The following CNTNAP2 variants were observed in gnomAD, a reference collection of about 807,000 sequenced individuals.
CNTNAP2 encodes contactin associated protein 2.
CNTNAP2 carries 98 observed loss-of-function variants against 155.2 expected under a neutral mutation model. The ratio of observed to expected loss-of-function variants is 0.63; its 90% CI spans 0.54 to 0.75. The LOEUF (loss-of-function observed/expected upper bound fraction) is 0.75, where lower values mean the gene tolerates loss of function less well. Ranked by LOEUF, CNTNAP2 falls within the 30% of genes least tolerant of loss-of-function variation. The probability of loss-of-function intolerance (pLI) is 0.00; values close to 1 mark genes in which losing one functional copy is unlikely to be tolerated. For synonymous variants in CNTNAP2, 651 were observed against 631.2 expected (o/e 1.03, Z -0.47); for missense variants, 1,727 against 1,688.1 (o/e 1.02, Z -0.40).
chr7:147,283,394 G>T (rs1164501566), intron 8 of CNTNAP2, among the ~76,000 whole-genome samples: 1 of 151,658 alleles, frequency 6.6e-6, no homozygotes, highest in Non-Finnish European at 1.5e-5. Context: ...CAACCCTCCA[G>T]ATTGCTTTTA....
At chr7:147,777,958 A>T (rs1584950323) in intron 13 of CNTNAP2, among the ~76,000 whole-genome samples, 1 of 152,320 alleles carries the variant, frequency 6.6e-6, no homozygotes, top group East Asian at 1.9e-4. Flanking sequence ...GCTTATTTAT[A>T]CACACACATC....
At chr7:147,074,000 C>T (rs577590336) in intron 4 of CNTNAP2, among the ~76,000 whole-genome samples, 1 of 152,214 alleles carries the variant, frequency 6.6e-6, no homozygotes, top group South Asian at 2.1e-4. Context: ...AAACAGCCTG[C>T]TTTTGGAATC....
intron 3 of CNTNAP2, among the ~76,000 whole-genome samples, chr7:146,958,562 C>T (rs1027908041): frequency 6.6e-5 from 10 of 151,524 alleles, no homozygotes; most frequent in Admixed American, 2.0e-4. Flanking sequence ...TACAGGCACC[C>T]GCCACAACGC....
At chr7:147,419,941 C>G (rs1046349776) in intron 10 of CNTNAP2, among the ~76,000 whole-genome samples, 2 of 152,114 alleles carry the variant, frequency 1.3e-5, no homozygotes, top group African/African-American at 2.4e-5. Context: ...GGGTGGATCA[C>G]TAGCAGCAGT....
At chr7:147,584,855 C>T (rs1366726700) in intron 12 of CNTNAP2, among the ~76,000 whole-genome samples, 1 of 152,146 alleles carries the variant, frequency 6.6e-6, no homozygotes, top group Non-Finnish European at 1.5e-5. Context: ...CTTGGGGAAG[C>T]CTCACAAAAA....
At chr7:146,684,639 C>CAGAAAAA (rs1800562952) in intron 1 of CNTNAP2, among the ~76,000 whole-genome samples, 1 of 63,514 alleles carries the variant, frequency 1.6e-5, no homozygotes, top group African/African-American at 6.0e-5. Context: ...AGATCCAGCG[C>CAGAAAAA]AAAAAAAAAA....
At chr7:147,278,127 CAAAA>C (rs58102021) in intron 8 of CNTNAP2, among the ~76,000 whole-genome samples, 19 of 138,550 alleles carry the variant, frequency 1.4e-4, no homozygotes, top group African/African-American at 2.3e-4. Flanking sequence ...GGAAACCATG[CAAAA>C]AAAAAAAAAA....
At chr7:148,219,126 A>G (rs1266629793) in intron 19 of CNTNAP2, among the ~76,000 whole-genome samples, 8 of 151,812 alleles carry the variant, frequency 5.3e-5, no homozygotes, top group African/African-American at 1.9e-4. Context: ...TATTTTTAGT[A>G]GAGACAGGGT....
At chr7:146,524,692 C>A (rs1797662392) in intron 1 of CNTNAP2, among the ~76,000 whole-genome samples, 1 of 152,066 alleles carries the variant, frequency 6.6e-6, no homozygotes, top group African/African-American at 2.4e-5. Context: ...GCTTATATCT[C>A]ATCTCATGTT....
chr7:146,243,603 T>A lies in CNTNAP2; in HGVS notation c.97+126630T>A, dbSNP rs144541449. Among the ~76,000 whole-genome samples, 629 of 152,302 alleles carry A rather than the reference T, an allele frequency of 4.1e-3. 8 individuals are homozygous for A. The highest frequency in any genetic ancestry group is 6.8e-3 in the Middle Eastern group (2 of 294). On this transcript the variant is annotated intron_variant, in intron 1 of 23. Transcript: ENST00000361727. ...TAATTTTTTCTATTCAAAGAAAATA[T>A]TTAATGGTGAAAATCATGAATTTTG... is the stretch of plus-strand genomic sequence containing the variant.
chr7:147,867,127 C>T (rs1317791123), intron 13 of CNTNAP2, among the ~76,000 whole-genome samples: 1 of 152,080 alleles, frequency 6.6e-6, no homozygotes, highest in Non-Finnish European at 1.5e-5. Flanking sequence ...TTCAGGAGCT[C>T]TTGTAGGGCA....
At chr7:146,659,999 A>G (rs1366700683) in intron 1 of CNTNAP2, among the ~76,000 whole-genome samples, 2 of 152,212 alleles carry the variant, frequency 1.3e-5, no homozygotes, top group Non-Finnish European at 2.9e-5. Flanking sequence ...AAACTCCATT[A>G]ACACTGCCAA....
chr7:147,371,015 C>T (rs1479328402), intron 9 of CNTNAP2, among the ~76,000 whole-genome samples: 1 of 152,020 alleles, frequency 6.6e-6, no homozygotes, highest in Admixed American at 6.6e-5. Context: ...AGCTATATTG[C>T]ATGTGCTATA....
At chr7:146,576,053 T>G (rs964339232) in intron 1 of CNTNAP2, among the ~76,000 whole-genome samples, 5 of 152,148 alleles carry the variant, frequency 3.3e-5, no homozygotes, top group Non-Finnish European at 5.9e-5. Context: ...AACCAACATC[T>G]GTTTGTAATT....
rs750172875 is a variant in CNTNAP2 at position 148,416,317 on chromosome 7, A to AGTTTGATTTTTCATT, written c.*703_*717dup. 1 of 152,332 alleles carries AGTTTGATTTTTCATT rather than the reference A, an allele frequency of 6.6e-6. No homozygotes were observed. Among genetic ancestry groups the AGTTTGATTTTTCATT allele is most frequent in the Non-Finnish European group, 1.5e-5 (1 of 68,146 alleles). 9.4% of individuals were successfully genotyped at this position (152,332 alleles called of 1,614,324 possible). A position where few individuals can be genotyped will look rare whatever the true frequency, so the allele number is the denominator to read the frequency against. ...GAGGCATTAAAGAACCAGGGAAGGTAGTTTGATTTTTCATTGAATTCTACA... is the reference window on the plus strand; with the variant it reads ...GAGGCATTAAAGAACCAGGGAAGGTAGTTTGATTTTTCATTGTTTGATTTTTCATTGAATTCTACA... On this transcript the variant is annotated 3_prime_UTR_variant, in exon 24 of 24. Transcript: ENST00000361727.
chr7:147,733,402 A>T (rs916638757), intron 13 of CNTNAP2, among the ~76,000 whole-genome samples: 11 of 152,202 alleles, frequency 7.2e-5, no homozygotes, highest in African/African-American at 2.7e-4. Flanking sequence ...TACCAGTACC[A>T]TGCTGTTTTG....
intron 1 of CNTNAP2, among the ~76,000 whole-genome samples, chr7:146,273,080 AAGAGAAAG>A (rs995851096): frequency 1.3e-4 from 17 of 127,140 alleles, no homozygotes; most frequent in African/African-American, 7.1e-4. Flanking sequence ...GGGTGAGAGA[AAGAGAAAG>A]AGAGAGAGAG....
intron 21 of CNTNAP2, among the ~76,000 whole-genome samples, chr7:148,349,393 CAA>C (rs141308404): frequency 0.98 from 140,822 of 143,386 alleles, 69,212 homozygotes; most frequent in East Asian, 1. Context: ...TTAAAAATTG[CAA>C]AAAAAATCTC....
intron 16 of CNTNAP2, among the ~76,000 whole-genome samples, chr7:148,123,718 A>C (rs1348447005): frequency 6.8e-6 from 1 of 147,242 alleles, no homozygotes; most frequent in Non-Finnish European, 1.5e-5. Flanking sequence ...CAGAGAAAGA[A>C]AGAAAAGAAA....
Sources: allele counts gnomAD v4.1 joint callset (sites outside exome capture counted in the v4.1 genomes callset), GRCh38; gene constraint gnomAD v4.1.1; transcripts MANE v1.5; gene names NCBI Gene and HGNC (gene_info 2026-07-23, HGNC 2026-07-21).